Variants in HIRA observed in about 807,000 individuals in gnomAD.
HIRA encodes the protein histone cell cycle regulator, also known as protein HIRA.
A neutral mutation model predicts 126.6 loss-of-function variants in HIRA; 13 were observed. That is an observed-to-expected ratio of 0.10 (90% confidence interval 0.07 to 0.16). HIRA has a LOEUF of 0.16. Among genes scored for constraint, HIRA ranks in the 10% least tolerant of loss-of-function variants. The pLI, the probability that HIRA is intolerant of heterozygous loss-of-function variation, is 1.00. For missense variants in HIRA, 834 were observed against 1,314.4 expected (o/e 0.63, Z 5.65); for synonymous variants, 511 against 520.0 (o/e 0.98, Z 0.24).
At chr22:19,333,303 G>T (rs932672114) in intron 24 of HIRA, among the ~76,000 whole-genome samples, 43 of 152,214 alleles carry the variant, frequency 2.8e-4, no homozygotes, top group Middle Eastern at 3.4e-3. Context: ...GAAATAAAAA[G>T]AGACATAACT....
chr22:19,401,775 T>G (rs531566061), intron 5 of HIRA, among the ~76,000 whole-genome samples: 4 of 152,104 alleles, frequency 2.6e-5, no homozygotes, highest in Non-Finnish European at 5.9e-5. Flanking sequence ...CAAACCACCA[T>G]TGTCTCTCCC....
intron 24 of HIRA, among the ~76,000 whole-genome samples, chr22:19,347,687 C>A (rs2146181511): frequency 6.6e-6 from 1 of 152,038 alleles, no homozygotes; most frequent in Non-Finnish European, 1.5e-5. Context: ...GTCTATAATC[C>A]CAGCACTTCG....
In HIRA at chr22:19,356,300, A is replaced by G; in HGVS notation, c.2397-12T>C. On this transcript the variant is annotated splice_polypyrimidine_tract_variant and intron_variant, in intron 19 of 24. Coordinates refer to ENST00000263208, the MANE Select transcript of HIRA (RefSeq NM_003325.4). Reference sequence around the variant, plus strand: ...GTCTGTGAACATCCCTAGGAGGGAGACAGGGAACAGTTTACTCACCAACCC... The same window carrying G: ...GTCTGTGAACATCCCTAGGAGGGAGGCAGGGAACAGTTTACTCACCAACCC... 5 of 1,613,066 alleles carry G rather than the reference A, an allele frequency of 3.1e-6. 2 individuals carry two copies. The South Asian group carries it at 5.5e-5, about 18-fold the overall frequency.
intron 22 of HIRA, 102 bp downstream of exon 22, chr22:19,353,894 G>A (rs931270540): frequency 7.1e-7 from 1 of 1,404,772 alleles, no homozygotes; most frequent in Non-Finnish European, 9.7e-7. Flanking sequence ...CAGGGGAAGG[G>A]CAGGTGGAGA....
At chr22:19,353,961 C>T in intron 22 of HIRA, 35 bp downstream of exon 22, 1 of 1,608,808 alleles carries the variant, frequency 6.2e-7, no homozygotes, top group Admixed American at 1.7e-5. Context: ...CAGGGCAGGA[C>T]TAAGGACAGT....
At chr22:19,422,021 C>T (rs1442563738) in intron 1 of HIRA, among the ~76,000 whole-genome samples, 1 of 151,990 alleles carries the variant, frequency 6.6e-6, no homozygotes, top group African/African-American at 2.4e-5. Flanking sequence ...TCCCAACATA[C>T]CCATAACCCA....
Position 19,361,758 on chromosome 22 carries a change from G to C in HIRA, c.1949C>G (p.Ser650Cys), listed in dbSNP as rs2088866113. The C allele has an allele frequency of 6.2e-7, 1 of 1,612,700 alleles. No individual in the cohort carries two copies. The highest frequency in any genetic ancestry group is 1.1e-5 in the South Asian group (1 of 91,022). Reference protein sequence around the residue: ...KKKKGRPRKDSRLMPVSLSVQ... With the variant: ...KKKKGRPRKDCRLMPVSLSVQ... ...AGACAGAGACACAGGCATGAGACGAGAGTCCTTCCGAGGCCGCCCTTTCTT... is the reference window on the plus strand; with the variant it reads ...AGACAGAGACACAGGCATGAGACGACAGTCCTTCCGAGGCCGCCCTTTCTT... The change falls in exon 16 of 25, where the codon TCT (serine) becomes TGT (cysteine). Residue 650 changes from serine (S) to cysteine (C), a missense_variant. Physicochemically the swap from Ser to Cys is moderately radical, Grantham distance 112 (BLOSUM62 -1). Coordinates refer to ENST00000263208, the MANE Select transcript of HIRA (RefSeq NM_003325.4).
chr22:19,354,184 C>T (rs1211957779), intron 21 of HIRA, 66 bp from the exon 22 acceptor site: 1 of 1,520,644 alleles, frequency 6.6e-7, no homozygotes, highest in African/African-American at 1.4e-5. Context: ...TCTTTGCCAA[C>T]CAGAGAAGGC....
At chr22:19,357,656 C>T (rs1479225792) in intron 18 of HIRA, among the ~76,000 whole-genome samples, 5 of 152,206 alleles carry the variant, frequency 3.3e-5, no homozygotes, top group Non-Finnish European at 7.3e-5. Context: ...CAGACAGAGC[C>T]CCCTAAGGCA....
chr22:19,388,794 G>A (rs1300601583), intron 9 of HIRA, among the ~76,000 whole-genome samples: 1 of 152,216 alleles, frequency 6.6e-6, no homozygotes, highest in African/African-American at 2.4e-5. Flanking sequence ...GTCTGACAGG[G>A]GAAATAGCTT....
chr22:19,354,161 G>C (rs1159465310), intron 21 of HIRA, 43 bp from the exon 22 acceptor site: 21 of 1,593,168 alleles, frequency 1.3e-5, no homozygotes, highest in Non-Finnish European at 1.6e-5. Context: ...AAAACCAAGA[G>C]ATCTGGTTGG....
chr22:19,397,924 C>A, intron 6 of HIRA, 68 bp downstream of exon 6: 1 of 1,180,260 alleles, frequency 8.5e-7, no homozygotes, highest in Non-Finnish European at 1.2e-6. Context: ...AGGAGACAGC[C>A]CAACCCCTGC....
At chr22:19,377,261 G>A (rs1361355751) in intron 14 of HIRA, among the ~76,000 whole-genome samples, 1 of 152,224 alleles carries the variant, frequency 6.6e-6, no homozygotes, top group African/African-American at 2.4e-5. Flanking sequence ...CTGAGGATGA[G>A]GACCCACCCA....
intron 15 of HIRA, among the ~76,000 whole-genome samples, chr22:19,366,753 A>G (rs758886829): frequency 3.3e-5 from 5 of 152,156 alleles, no homozygotes; most frequent in Non-Finnish European, 5.9e-5. Context: ...TGTTGAAATA[A>G]TAAGGGATTT....
chr22:19,389,133 ATATT>A (rs914822669), intron 9 of HIRA, among the ~76,000 whole-genome samples: 4 of 152,146 alleles, frequency 2.6e-5, no homozygotes, highest in African/African-American at 9.7e-5. Context: ...TTTTGTGCAA[ATATT>A]TATTTTATTC....
At chr22:19,352,056 AAG>A (rs1415540298) in intron 23 of HIRA, among the ~76,000 whole-genome samples, 1 of 151,982 alleles carries the variant, frequency 6.6e-6, no homozygotes, top group African/African-American at 2.4e-5. Flanking sequence ...AGGGTGGAGT[AAG>A]AGAGATGAAA....
At chr22:19,378,129 C>A in intron 13 of HIRA, 63 bp from the exon 14 acceptor site, 1 of 1,273,696 alleles carries the variant, frequency 7.9e-7, no homozygotes, top group South Asian at 1.9e-5. Context: ...GTACTTTATA[C>A]ATTCAAATAA....
chr22:19,383,299 A>G (rs2089093656), intron 13 of HIRA, among the ~76,000 whole-genome samples: 1 of 152,148 alleles, frequency 6.6e-6, no homozygotes, highest in Non-Finnish European at 1.5e-5. Flanking sequence ...AACTTTATGA[A>G]AGAAAAAAAA....
At chr22:19,338,761 A>C (rs879953578) in intron 24 of HIRA, among the ~76,000 whole-genome samples, 3 of 152,256 alleles carry the variant, frequency 2.0e-5, no homozygotes, top group Non-Finnish European at 2.9e-5. Flanking sequence ...TCCAACAGGA[A>C]AATATCACAA....
Sources: allele counts gnomAD v4.1 joint callset (sites outside exome capture counted in the v4.1 genomes callset), GRCh38; gene constraint gnomAD v4.1.1; transcripts MANE v1.5; gene names NCBI Gene and HGNC (gene_info 2026-07-23, HGNC 2026-07-21).